CDH12: variants seen among roughly 807,000 people sequenced by gnomAD.
CDH12 encodes cadherin 12.
In CDH12, 41 loss-of-function variants were observed where a neutral mutation model predicts 74.1. That is an observed-to-expected ratio of 0.55 (90% CI 0.43 to 0.72). The LOEUF (loss-of-function observed/expected upper bound fraction) is 0.72. CDH12 is among the 30% of genes least tolerant of loss of function. The pLI is 0.00. For missense variants in CDH12, 945 were observed against 977.2 expected (o/e 0.97, Z 0.44); for synonymous variants, 399 against 355.0 (o/e 1.12, Z -1.39).
intron 3 of CDH12, among the ~76,000 whole-genome samples, chr5:22,334,177 GA>G (rs1318690489): frequency 6.6e-6 from 1 of 151,974 alleles, no homozygotes; most frequent in African/African-American, 2.4e-5. Flanking sequence ...TGGAAAGGAA[GA>G]AGTCAAATTA....
chr5:22,342,766 C>T (rs1739926052), intron 3 of CDH12, among the ~76,000 whole-genome samples: 1 of 144,092 alleles, frequency 6.9e-6, no homozygotes, highest in Admixed American at 7.1e-5. Flanking sequence ...CCCTTCCTCC[C>T]TTCCTCACTT....
intron 1 of CDH12, among the ~76,000 whole-genome samples, chr5:22,535,979 T>A (rs1737826356): frequency 6.6e-6 from 1 of 152,240 alleles, no homozygotes; most frequent in African/African-American, 2.4e-5. Flanking sequence ...TACATAGCAT[T>A]TACATTGTCT....
At chr5:22,469,926 A>G (rs1465890434) in intron 2 of CDH12, among the ~76,000 whole-genome samples, 1 of 152,196 alleles carries the variant, frequency 6.6e-6, no homozygotes, top group Non-Finnish European at 1.5e-5. Context: ...AAGCCCTGCA[A>G]TGTTTATCCT....
intron 1 of CDH12, among the ~76,000 whole-genome samples, chr5:22,539,745 G>A (rs548236924): frequency 1.1e-4 from 17 of 152,236 alleles, no homozygotes; most frequent in Non-Finnish European, 1.9e-4. Context: ...GTGAATGAGC[G>A]GGCTGTATGG....
At chr5:22,447,908 A>G (rs759170166) in intron 2 of CDH12, among the ~76,000 whole-genome samples, 8 of 149,714 alleles carry the variant, frequency 5.3e-5, no homozygotes, top group Non-Finnish European at 1.2e-4. Flanking sequence ...TTGGGGGGCC[A>G]AAGCGGGAGT....
intron 1 of CDH12, among the ~76,000 whole-genome samples, chr5:22,724,831 A>G (rs1241516541): frequency 1.3e-5 from 2 of 151,874 alleles, no homozygotes; most frequent in Non-Finnish European, 2.9e-5. Context: ...GGCTGTGAAT[A>G]TACTGGAATA....
intron 3 of CDH12, among the ~76,000 whole-genome samples, chr5:22,242,560 G>T (rs1752789557): frequency 1.3e-5 from 2 of 152,176 alleles, no homozygotes; most frequent in African/African-American, 4.8e-5. Context: ...GTTAGGACCA[G>T]AAATCACTGG....
At chr5:22,813,924 A>G (rs1478424773) in intron 1 of CDH12, among the ~76,000 whole-genome samples, 2 of 152,138 alleles carry the variant, frequency 1.3e-5, no homozygotes. Context: ...CTCCTGACCC[A>G]CAGAAACTGT....
Position 22,186,391 on chromosome 5 carries a change from A to T in CDH12, c.-187+26107T>A, listed in dbSNP as rs189955642. Among the ~76,000 whole-genome samples the T allele has an allele frequency of 1.9e-4, 29 of 152,352 alleles. No individual in the cohort carries two copies. The East Asian group carries it at 5.4e-3, about 28-fold the overall frequency. ...GTCAAGCTGTGCCAAATGATTGTAG[A>T]TTAACCAGTGAAAATCTATTCACAT... On this transcript the variant is annotated intron_variant, in intron 4 of 14. Coordinates refer to ENST00000382254, the MANE Select transcript of CDH12 (RefSeq NM_004061.5).
At chr5:21,862,555 T>G (rs1173182690) in intron 6 of CDH12, among the ~76,000 whole-genome samples, 2 of 152,158 alleles carry the variant, frequency 1.3e-5, no homozygotes, top group African/African-American at 2.4e-5. Flanking sequence ...TTCATTCATG[T>G]CTTCTTTCAA....
At chr5:22,382,864 CT>C (rs1741828755) in intron 3 of CDH12, among the ~76,000 whole-genome samples, 1 of 151,998 alleles carries the variant, frequency 6.6e-6, no homozygotes, top group Non-Finnish European at 1.5e-5. Flanking sequence ...GAGTTTCACT[CT>C]TGTTACCCAG....
In CDH12 at chr5:22,829,340, A is replaced by G. The variant is rs555890801; in HGVS notation, c.-523+23718T>C. On this transcript the variant is annotated intron_variant, in intron 1 of 14. Coordinates refer to ENST00000382254, the MANE Select transcript of CDH12 (RefSeq NM_004061.5). Reference sequence around the variant, plus strand: ...AATGCTATCTCATATACTTTACAATATCTTGCAAATATTTCTATCACCCTC... The same window carrying G: ...AATGCTATCTCATATACTTTACAATGTCTTGCAAATATTTCTATCACCCTC... 2.0e-5 allele frequency among the ~76,000 whole-genome samples: 3 copies of G among 152,318 alleles called. No homozygotes were observed. In the South Asian group the frequency reaches 6.2e-4, roughly 32 times the overall value.
chr5:22,323,803 G>C (rs1399859031), intron 3 of CDH12, among the ~76,000 whole-genome samples: 1 of 152,082 alleles, frequency 6.6e-6, no homozygotes, highest in Non-Finnish European at 1.5e-5. Context: ...AAAGAAGAGG[G>C]AGAAGGAACA....
intron 3 of CDH12, among the ~76,000 whole-genome samples, chr5:22,305,036 A>G (rs1378463589): frequency 6.6e-6 from 1 of 152,232 alleles, no homozygotes; most frequent in Admixed American, 6.5e-5. Context: ...AAATACTCTC[A>G]TGCCATAAAC....
In CDH12 at chr5:21,984,758, AAAAAT is replaced by A. The variant is rs1421403955; in HGVS notation, c.232-9378_232-9374del. Among the ~76,000 whole-genome samples the A allele has an allele frequency of 6.6e-5, 10 of 152,334 alleles. 1 individual carries two copies. Among genetic ancestry groups the A allele is most frequent in the African/African-American group, 2.2e-4 (9 of 41,584 alleles). ...TTAAGTAAAACTTGCAATCAACAGA[AAAAAT>A]AGAAGTAATTATATGATGAAAATCT... On this transcript the variant is annotated intron_variant, in intron 5 of 14. Transcript: ENST00000382254.
At chr5:22,032,645 T>G (rs1329572446) in intron 5 of CDH12, among the ~76,000 whole-genome samples, 3 of 151,350 alleles carry the variant, frequency 2.0e-5, no homozygotes, top group African/African-American at 4.9e-5. Context: ...AAGGTGCAGG[T>G]TGCAGTGAGC....
rs71231740 is a variant in CDH12, at chr5:22,162,552, G to A, written c.-187+49946C>T. Among the ~76,000 whole-genome samples, 8 of 152,286 alleles carry A rather than the reference G, an allele frequency of 5.3e-5. No individual in the cohort carries two copies. The East Asian group carries it at 1.4e-3, about 26-fold the overall frequency. On this transcript the variant is annotated intron_variant, in intron 4 of 14. Transcript: ENST00000382254. ...ATGCCAAAGTGTTGACCAGGCAGGCGTAAACCAGACACAGGTCAGACAAGA... is the reference window on the plus strand; with the variant it reads ...ATGCCAAAGTGTTGACCAGGCAGGCATAAACCAGACACAGGTCAGACAAGA...
chr5:22,341,868 G>A (rs985073998), intron 3 of CDH12, among the ~76,000 whole-genome samples: 1 of 151,940 alleles, frequency 6.6e-6, no homozygotes, highest in African/African-American at 2.4e-5. Context: ...AGAGACAGAG[G>A]TACTCTTGAT....
At chr5:22,716,827 T>G (rs1743604084) in intron 1 of CDH12, among the ~76,000 whole-genome samples, 1 of 151,386 alleles carries the variant, frequency 6.6e-6, no homozygotes, top group Admixed American at 6.6e-5. Context: ...CAAAAAGTTT[T>G]AAAAAGTAAA....
Sources: gnomAD v4.1 joint callset for allele counts (sites outside exome capture counted in the v4.1 genomes callset) on GRCh38, gnomAD v4.1.1 for gene constraint, MANE v1.5 for transcripts, NCBI Gene and HGNC (gene_info 2026-07-23, HGNC 2026-07-21) for gene names.